MECOM: variants seen among roughly 807,000 people sequenced by gnomAD.
MECOM encodes the protein MDS1 and EVI1 complex locus, also known as histone-lysine N-methyltransferase MECOM.
A neutral mutation model predicts 116.3 loss-of-function variants in MECOM; 13 were observed. The ratio of observed to expected loss-of-function variants is 0.11; its 90% CI spans 0.07 to 0.18. MECOM has a LOEUF of 0.18. Among genes scored for constraint, MECOM ranks in the 10% least tolerant of loss-of-function variants. The pLI, the probability that MECOM is intolerant of heterozygous loss-of-function variation, is 1.00. For synonymous variants in MECOM, 528 were observed against 535.2 expected (o/e 0.99, Z 0.19); for missense variants, 1,299 against 1,509.0 (o/e 0.86, Z 2.31).
chr3:169,191,176 C>T (rs957076264), intron 2 of MECOM, among the ~76,000 whole-genome samples: 1 of 151,950 alleles, frequency 6.6e-6, no homozygotes, highest in East Asian at 1.9e-4. Flanking sequence ...CTCCACTTGT[C>T]CCCCTCCTGT....
intron 1 of MECOM, among the ~76,000 whole-genome samples, chr3:169,617,498 G>T (rs1770156466): frequency 6.6e-6 from 1 of 152,210 alleles, no homozygotes. Flanking sequence ...AAAGTATACT[G>T]TATAGTGCTT....
chr3:169,404,712 G>C (rs1185518668), intron 1 of MECOM, among the ~76,000 whole-genome samples: 2 of 152,140 alleles, frequency 1.3e-5, no homozygotes, highest in East Asian at 3.9e-4. Flanking sequence ...GAAGGCTCTG[G>C]CCACCCCGCC....
chr3:169,366,320 A>T (rs556074841), intron 2 of MECOM, among the ~76,000 whole-genome samples: 2 of 152,024 alleles, frequency 1.3e-5, no homozygotes, highest in South Asian at 4.1e-4. Flanking sequence ...GCACTCTAGG[A>T]TGGCTTATAT....
chr3:169,472,551 A>AGG, intron 1 of MECOM, among the ~76,000 whole-genome samples: 3 of 89,820 alleles, frequency 3.3e-5, no homozygotes, highest in Non-Finnish European at 4.2e-5. Context: ...AGGAAAGGAA[A>AGG]AGAAAAGAGA....
chr3:169,165,874 A>G (rs1479914643), intron 2 of MECOM, among the ~76,000 whole-genome samples: 1 of 152,178 alleles, frequency 6.6e-6, no homozygotes, highest in Non-Finnish European at 1.5e-5. Context: ...ATGTTTAGAT[A>G]GCAGCTTTCA....
chr3:169,215,448 A>G (rs1374787093), intron 2 of MECOM, among the ~76,000 whole-genome samples: 1 of 152,106 alleles, frequency 6.6e-6, no homozygotes, highest in Admixed American at 6.5e-5. Flanking sequence ...TTTTTGCCAT[A>G]TCCTATGTCC....
At chr3:169,302,889 A>C (rs1205409746) in intron 2 of MECOM, among the ~76,000 whole-genome samples, 2 of 152,168 alleles carry the variant, frequency 1.3e-5, no homozygotes, top group Admixed American at 6.5e-5. Flanking sequence ...AACATTTTAG[A>C]AACAAACTAG....
chr3:169,263,067 T>A (rs1757744842), intron 2 of MECOM, among the ~76,000 whole-genome samples: 1 of 131,572 alleles, frequency 7.6e-6, no homozygotes, highest in Non-Finnish European at 1.6e-5. Context: ...GTTGCCTTTT[T>A]TTCAAGATGC....
chr3:169,593,365 A>C (rs1009360643), intron 1 of MECOM, among the ~76,000 whole-genome samples: 5 of 152,230 alleles, frequency 3.3e-5, no homozygotes, highest in African/African-American at 1.2e-4. Flanking sequence ...ATTCCACAGG[A>C]AAACAGCATA....
At chr3:169,263,867 A>G (rs879127831) in intron 2 of MECOM, among the ~76,000 whole-genome samples, 1 of 152,180 alleles carries the variant, frequency 6.6e-6, no homozygotes. Context: ...GTTTATTTTA[A>G]TATTTCAAAT....
chr3:169,180,212 G>A (rs1187705023), intron 2 of MECOM, among the ~76,000 whole-genome samples: 1 of 151,956 alleles, frequency 6.6e-6, no homozygotes, highest in African/African-American at 2.4e-5. Flanking sequence ...TATTTGTATA[G>A]CTATTTGTAA....
chr3:169,610,529 A>G (rs1040760903), intron 1 of MECOM, among the ~76,000 whole-genome samples: 5 of 144,772 alleles, frequency 3.5e-5, no homozygotes, highest in East Asian at 2.1e-4. Flanking sequence ...GTGTGTGTGT[A>G]TAATATCCCT....
Position 169,612,437 on chromosome 3 carries a change from G to A in MECOM, c.37+50899C>T, listed in dbSNP as rs375709038. 6.2e-4 allele frequency among the ~76,000 whole-genome samples: 95 copies of A among 152,282 alleles called. 4 individuals carry two copies. The South Asian group carries it at 0.019, about 31-fold the overall frequency. On this transcript the variant is annotated intron_variant, in intron 1 of 16. Transcript: ENST00000651503. The stretch of plus-strand genomic sequence containing the variant: ...CTCACTTTTGGCAAAAACATCCAAA[G>A]TGTAATGCACTTTGCCAACAGCTTT...
chr3:169,637,486 C>T (rs1772946382), intron 1 of MECOM, among the ~76,000 whole-genome samples: 1 of 152,146 alleles, frequency 6.6e-6, no homozygotes, highest in Non-Finnish European at 1.5e-5. Context: ...ACTCTGGGGT[C>T]CCAGGAACTT....
chr3:169,512,586 C>G (rs1756113671), intron 1 of MECOM, among the ~76,000 whole-genome samples: 1 of 152,202 alleles, frequency 6.6e-6, no homozygotes, highest in Non-Finnish European at 1.5e-5. Flanking sequence ...CCATAGTGAC[C>G]AACTACATCT....
At position 169,117,923 on chromosome 3, in the gene MECOM, T is replaced by C. The variant is rs576785854; in HGVS notation, c.1133-1184A>G. 1.1e-3 allele frequency among the ~76,000 whole-genome samples: 172 copies of C among 152,322 alleles called. 1 individual carries two copies. The highest frequency in any genetic ancestry group is 3.8e-3 in the African/African-American group (156 of 41,578). On this transcript the variant is annotated intron_variant, in intron 7 of 16. Coordinates refer to ENST00000651503, the MANE Select transcript of MECOM (RefSeq NM_004991.4). ...AGCCACGTTATGTGTGAGCTTATTT[T>C]AACACTTCTGTGCATGTTCAATACA...
chr3:169,092,382 A>G (rs1182044661), intron 14 of MECOM, among the ~76,000 whole-genome samples: 2 of 152,052 alleles, frequency 1.3e-5, no homozygotes, highest in African/African-American at 4.8e-5. Context: ...GGTATTTCAT[A>G]TATAAATGCA....
intron 1 of MECOM, among the ~76,000 whole-genome samples, chr3:169,485,317 A>T (rs903162146): frequency 1.6e-4 from 25 of 152,182 alleles, no homozygotes; most frequent in African/African-American, 6.0e-4. Flanking sequence ...TTAAATCAAA[A>T]TAAGGTTAAA....
chr3:169,433,606 G>A (rs1325544371), intron 1 of MECOM, among the ~76,000 whole-genome samples: 1 of 146,962 alleles, frequency 6.8e-6, no homozygotes, highest in African/African-American at 2.5e-5. Context: ...GGGAAGGAGG[G>A]AGGGAGGGAA....
Sources: allele counts gnomAD v4.1 joint callset (sites outside exome capture counted in the v4.1 genomes callset), GRCh38; gene constraint gnomAD v4.1.1; transcripts MANE v1.5; gene names NCBI Gene and HGNC (gene_info 2026-07-23, HGNC 2026-07-21).